Variants in MEIOSIN observed in about 807,000 individuals in gnomAD.
The protein encoded by MEIOSIN is meiosis initiator protein.
A neutral mutation model predicts 23.4 loss-of-function variants in MEIOSIN; 18 were observed. The observed-to-expected ratio is 0.77, with a 90% confidence interval of 0.53 to 1.14. The LOEUF is 1.14. Ranked by LOEUF, MEIOSIN falls within the 50% of genes most tolerant of loss-of-function variation. MEIOSIN has a pLI of 0.00. For synonymous variants in MEIOSIN, 187 were observed against 100.6 expected (o/e 1.86, Z -5.14); for missense variants, 428 against 242.9 (o/e 1.76, Z -5.07).
At chr19:45,754,176 C>G (rs576363978) in intron 6 of MEIOSIN, among the ~76,000 whole-genome samples, 40 of 152,260 alleles carry the variant, frequency 2.6e-4, no homozygotes, top group African/African-American at 9.4e-4. Flanking sequence ...AGGGTTTCGC[C>G]ATGTTGGCCA....
intron 13 of MEIOSIN, among the ~76,000 whole-genome samples, chr19:45,762,785 G>A (rs923560939): frequency 1.3e-5 from 2 of 152,184 alleles, no homozygotes; most frequent in Non-Finnish European, 2.9e-5. Context: ...AAACAAGGGC[G>A]GGTATAGACT....
intron 4 of MEIOSIN, 125 bp downstream of exon 4, chr19:45,745,446 G>A: frequency 1.7e-6 from 1 of 598,520 alleles, no homozygotes; most frequent in East Asian, 2.8e-5. Context: ...TGGGAATGGT[G>A]CTACTCTGAA....
intron 2 of MEIOSIN, among the ~76,000 whole-genome samples, chr19:45,735,759 C>T (rs1270283004): frequency 1.3e-5 from 2 of 152,158 alleles, no homozygotes; most frequent in Non-Finnish European, 2.9e-5. Context: ...TCACTGCAAC[C>T]TCCGCCTCCT....
At position 45,755,977 on chromosome 19, in the gene MEIOSIN, G is replaced by C. The variant is rs1172163212; in HGVS notation, c.810G>C (p.Trp270Cys). 2 of 702,456 alleles carry C rather than the reference G, an allele frequency of 2.8e-6. No individual in the cohort carries two copies. The highest frequency in any genetic ancestry group is 4.0e-5 in the Admixed American group (2 of 49,976). 43.5% of individuals were successfully genotyped at this position (702,456 alleles called of 1,614,324 possible). ...DTIHCDISSCWCQGSVQDDAP... is the reference protein window; with the variant it reads ...DTIHCDISSCCCQGSVQDDAP... ...TCCTGATCTGCCCCTTAGGCTGCTGGTGCCAGGGCAGTGTCCAGGATGACG... is the reference window on the plus strand; with the variant it reads ...TCCTGATCTGCCCCTTAGGCTGCTGCTGCCAGGGCAGTGTCCAGGATGACG... Residue 270 changes from tryptophan (W) to cysteine (C), a missense_variant, in exon 8 of 15, where the codon TGG becomes TGC. By Grantham distance (215) the Trp-to-Cys change is radical. Coordinates refer to ENST00000457052, the MANE Select transcript of MEIOSIN (RefSeq NM_001310124.2).
Position 45,749,205 on chromosome 19 carries a change from G to A in MEIOSIN, c.307-1470G>A, listed in dbSNP as rs138930818. Among the ~76,000 whole-genome samples the A allele has an allele frequency of 5.3e-3, 802 of 151,686 alleles. 2 individuals carry two copies. The highest frequency in any genetic ancestry group is 8.5e-3 in the Non-Finnish European group (579 of 67,938). On this transcript the variant is annotated intron_variant, in intron 4 of 14. Coordinates refer to ENST00000457052, the MANE Select transcript of MEIOSIN (RefSeq NM_001310124.2). ...GAACAACATGGCGAAACCTCATCTC[G>A]ATAAAAAATACAAAAAATTAGCTGG...
chr19:45,761,423 A>ATTTTTTT (rs35838022), intron 11 of MEIOSIN, among the ~76,000 whole-genome samples: 4 of 59,802 alleles, frequency 6.7e-5, no homozygotes, highest in Non-Finnish European at 8.8e-5. Context: ...CGCCTGGCCT[A>ATTTTTTT]TTTTTTTTTT....
At chr19:45,760,646 T>C (rs1167808775) in intron 11 of MEIOSIN, among the ~76,000 whole-genome samples, 1 of 151,316 alleles carries the variant, frequency 6.6e-6, no homozygotes, top group Non-Finnish European at 1.5e-5. Flanking sequence ...TATCAGGGTG[T>C]GGCCGGGCGT....
chr19:45,741,471 A>T (rs1968503740), intron 3 of MEIOSIN, among the ~76,000 whole-genome samples: 2 of 152,374 alleles, frequency 1.3e-5, no homozygotes, highest in East Asian at 1.9e-4. Context: ...GAATATTTTC[A>T]TGAGCCCCTA....
Position 45,764,135 on chromosome 19 carries a change from C to A in MEIOSIN, c.*17C>A, listed in dbSNP as rs542475052. On this transcript the variant is annotated 3_prime_UTR_variant, in exon 15 of 15. Coordinates refer to ENST00000457052, the MANE Select transcript of MEIOSIN (RefSeq NM_001310124.2). ...CTCCAGTGAGAGGGCGGCCCCTCGCCTCGCTCCCCTCACCCCTCATGGCAA... is the reference window on the plus strand; with the variant it reads ...CTCCAGTGAGAGGGCGGCCCCTCGCATCGCTCCCCTCACCCCTCATGGCAA... 22 of 398,652 alleles carry A rather than the reference C, an allele frequency of 5.5e-5. No individual in the cohort carries two copies. The highest frequency in any genetic ancestry group is 4.3e-4 in the African/African-American group (21 of 48,766). 24.7% of individuals were successfully genotyped at this position (398,652 alleles called of 1,614,324 possible). A position where few individuals can be genotyped will look rare whatever the true frequency, so the allele number is the denominator to read the frequency against.
intron 13 of MEIOSIN, among the ~76,000 whole-genome samples, chr19:45,762,456 C>T (rs1968966318): frequency 6.6e-6 from 1 of 152,184 alleles, no homozygotes. Flanking sequence ...GAGACAGAGT[C>T]TCACTCTATT....
At chr19:45,754,047 G>A (rs73044248) in intron 6 of MEIOSIN, among the ~76,000 whole-genome samples, 2 of 121,868 alleles carry the variant, frequency 1.6e-5, no homozygotes, top group African/African-American at 3.3e-5. Context: ...CAGTGACACA[G>A]CTCACTGCCA....
At chr19:45,747,966 C>G (rs939574995) in intron 4 of MEIOSIN, among the ~76,000 whole-genome samples, 11 of 152,214 alleles carry the variant, frequency 7.2e-5, no homozygotes, top group African/African-American at 2.6e-4. Flanking sequence ...CAGCCATGGT[C>G]CCCGCTACCC....
In MEIOSIN at chr19:45,735,311, C is replaced by G. The variant is rs373194959; in HGVS notation, c.1-66C>G. The G allele has an allele frequency of 1.5e-3, 1,048 of 696,786 alleles. 14 individuals carry two copies. The highest frequency in any genetic ancestry group is 0.015 in the African/African-American group (853 of 57,236). The allele number at this position is 696,786 out of a possible 1,614,324, so 43.2% of individuals were successfully genotyped here. ...CATAGGGAAGATGAAGGGTGCCCAT[C>G]AGGGTTCCTGCCCATCCTTCCTGCA... On this transcript the variant is annotated intron_variant, in intron 1 of 14. Coordinates refer to ENST00000457052, the MANE Select transcript of MEIOSIN (RefSeq NM_001310124.2).
chr19:45,747,898 G>A (rs550769393), intron 4 of MEIOSIN, among the ~76,000 whole-genome samples: 9 of 152,044 alleles, frequency 5.9e-5, no homozygotes, highest in Non-Finnish European at 1.3e-4. Flanking sequence ...TTAGGAGTTC[G>A]AGACCAGCCT....
At chr19:45,743,669 G>A (rs567121441) in intron 3 of MEIOSIN, among the ~76,000 whole-genome samples, 3 of 151,428 alleles carry the variant, frequency 2.0e-5, no homozygotes, top group East Asian at 3.9e-4. Flanking sequence ...TTACAGGCAC[G>A]TGCCACCACA....
rs940082819 is a variant in MEIOSIN at position 45,745,180 on chromosome 19, G to A, written c.177-12G>A. 2.8e-6 allele frequency: 2 copies of A among 702,294 alleles called. No homozygotes were observed. Among genetic ancestry groups the A allele is most frequent in the Non-Finnish European group, 5.2e-6 (2 of 384,802 alleles). 43.5% of individuals were successfully genotyped at this position (702,294 alleles called of 1,614,324 possible). A position where few individuals can be genotyped will look rare whatever the true frequency, so the allele number is the denominator to read the frequency against. ...GATGTCCTAACCAAAACCAGCTCCT[G>A]TCCCCAAACAGGAATCAGAGGAACC... On this transcript the variant is annotated splice_polypyrimidine_tract_variant and intron_variant, in intron 3 of 14. Transcript: ENST00000457052.
At chr19:45,751,098 C>G (rs1380202996) in intron 5 of MEIOSIN, among the ~76,000 whole-genome samples, 1 of 152,028 alleles carries the variant, frequency 6.6e-6, no homozygotes, top group Admixed American at 6.6e-5. Flanking sequence ...CATGGCAAAA[C>G]CCCGTCTCTA....
Position 45,735,493 on chromosome 19 carries a change from GAAT to G in MEIOSIN, c.71+55_71+57del, listed in dbSNP as rs148705465. The G allele has an allele frequency of 5.4e-3, 3,645 of 670,552 alleles. 132 individuals carry two copies. The Admixed American group carries it at 0.055, about 10-fold the overall frequency. The allele number at this position is 670,552 out of a possible 1,614,324, so 41.5% of individuals were successfully genotyped here. A position where few individuals can be genotyped will look rare whatever the true frequency, so the allele number is the denominator to read the frequency against. ...CCTTATAGCCCCAGCCACTCTCATT[GAAT>G]AATAATAACAAAAACATTTGCTGAG... On this transcript the variant is annotated intron_variant, in intron 2 of 14. Transcript: ENST00000457052.
At chr19:45,736,348 C>T (rs1184985252) in intron 2 of MEIOSIN, among the ~76,000 whole-genome samples, 1 of 151,960 alleles carries the variant, frequency 6.6e-6, no homozygotes, top group Non-Finnish European at 1.5e-5. Flanking sequence ...AACTGACATT[C>T]TGAGTGTCTT....
Sources: gnomAD v4.1 joint callset for allele counts (sites outside exome capture counted in the v4.1 genomes callset) on GRCh38, gnomAD v4.1.1 for gene constraint, MANE v1.5 for transcripts, NCBI Gene and HGNC (gene_info 2026-07-23, HGNC 2026-07-21) for gene names.